CEP128: variants seen among roughly 807,000 people sequenced by gnomAD.
CEP128 encodes the protein centrosomal protein 128kDa.
A neutral mutation model predicts 156.7 loss-of-function variants in CEP128; 132 were observed. The ratio of observed to expected loss-of-function variants is 0.84; its 90% CI spans 0.73 to 0.97. CEP128 has a LOEUF of 0.97. CEP128 is among the 50% of genes least tolerant of loss of function. The probability of loss-of-function intolerance (pLI) is 0.00; values close to 1 mark genes in which losing one functional copy is unlikely to be tolerated. For missense variants in CEP128, 1,252 were observed against 1,281.9 expected, an observed-to-expected ratio of 0.98 and a Z score of 0.36; for synonymous variants, 469 against 448.9, an observed-to-expected ratio of 1.04 and a Z score of -0.57.
chr14:80,554,606 G>A (rs1415686421), intron 21 of CEP128, among the ~76,000 whole-genome samples: 2 of 151,530 alleles, frequency 1.3e-5, no homozygotes, highest in Middle Eastern at 3.4e-3. Flanking sequence ...TATTTTTCTA[G>A]GAATTTGTTT....
At chr14:80,638,172 A>C (rs964676345) in intron 19 of CEP128, among the ~76,000 whole-genome samples, 1 of 152,124 alleles carries the variant, frequency 6.6e-6, no homozygotes, top group African/African-American at 2.4e-5. Context: ...CCTTCTCTTC[A>C]TATTTCAATA....
At position 80,744,626 on chromosome 14, in the gene CEP128, T is replaced by G. The variant is rs147854599; in HGVS notation, c.2614-1359A>C. Among the ~76,000 whole-genome samples the G allele has an allele frequency of 8.5e-5, 13 of 152,310 alleles. 1 individual carries two copies. In the East Asian group the frequency reaches 2.1e-3, roughly 25 times the overall value. ...ACTGACTCCCTCCTTCTACCCTCAGTGTGATAAAAGCTCCACTCCTCATTT... is the reference window on the plus strand; with the variant it reads ...ACTGACTCCCTCCTTCTACCCTCAGGGTGATAAAAGCTCCACTCCTCATTT... On this transcript the variant is annotated intron_variant, in intron 18 of 24. Transcript: ENST00000555265.
At chr14:80,764,539 A>T (rs898099704) in intron 16 of CEP128, among the ~76,000 whole-genome samples, 19 of 152,128 alleles carry the variant, frequency 1.2e-4, no homozygotes, top group South Asian at 8.3e-4. Context: ...AGAAAATTTC[A>T]TTATCCACTT....
chr14:80,773,980 T>G (rs1171891611), intron 16 of CEP128, among the ~76,000 whole-genome samples: 1 of 152,184 alleles, frequency 6.6e-6, no homozygotes, highest in Non-Finnish European at 1.5e-5. Context: ...AATCTGTGGG[T>G]TGCATAACAC....
chr14:80,911,396 C>T (rs1884205881), intron 4 of CEP128, among the ~76,000 whole-genome samples: 1 of 152,092 alleles, frequency 6.6e-6, no homozygotes, highest in Non-Finnish European at 1.5e-5. Flanking sequence ...GTCTCAGCTA[C>T]TCAGGAGGCT....
chr14:80,669,236 A>C (rs1011493780), intron 19 of CEP128, among the ~76,000 whole-genome samples: 1 of 152,180 alleles, frequency 6.6e-6, no homozygotes, highest in Non-Finnish European at 1.5e-5. Flanking sequence ...TCTAGGGAAA[A>C]CTCTTCTGGA....
chr14:80,617,312 G>A (rs1263609047), intron 19 of CEP128, among the ~76,000 whole-genome samples: 3 of 127,164 alleles, frequency 2.4e-5, no homozygotes, highest in African/African-American at 9.0e-5. Flanking sequence ...CTCACTGCAA[G>A]CTCCACCTCC....
intron 13 of CEP128, among the ~76,000 whole-genome samples, chr14:80,811,321 G>T (rs1884519363): frequency 6.6e-6 from 1 of 152,114 alleles, no homozygotes; most frequent in Admixed American, 6.5e-5. Flanking sequence ...GGGTCAAATG[G>T]TATTTCTGGT....
At chr14:80,536,605 G>A (rs1338664062) in intron 21 of CEP128, among the ~76,000 whole-genome samples, 2 of 152,332 alleles carry the variant, frequency 1.3e-5, no homozygotes, top group East Asian at 1.9e-4. Context: ...GAGGAAGGGT[G>A]AGATCATGAA....
intron 8 of CEP128, among the ~76,000 whole-genome samples, chr14:80,868,676 T>C (rs987103512): frequency 6.6e-6 from 1 of 152,022 alleles, no homozygotes; most frequent in African/African-American, 2.4e-5. Context: ...GTAAACAAAT[T>C]AAATTCTCCA....
rs1338234765 is a variant in CEP128 at position 80,904,791 on chromosome 14, A to G, written c.480+22T>C. On this transcript the variant is annotated intron_variant, in intron 6 of 24. Coordinates refer to ENST00000555265, the MANE Select transcript of CEP128 (RefSeq NM_152446.5). The stretch of plus-strand genomic sequence containing the variant: ...AAGCATAAGGAAATACTGCACACAA[A>G]TTACAGAATGGTACAAAGTACCTGA... The G allele has an allele frequency of 4.8e-6, 6 of 1,261,268 alleles. No individual in the cohort carries two copies. In the African/African-American group the frequency reaches 5.9e-5, roughly 12 times the overall value. 78.1% of individuals were successfully genotyped at this position (1,261,268 alleles called of 1,614,324 possible).
At chr14:80,488,411 T>A (rs569164835), downstream of CEP128, among the ~76,000 whole-genome samples, 18 of 150,802 alleles carry the variant, frequency 1.2e-4, no homozygotes, top group Admixed American at 4.6e-4. Context: ...CATCAGAGAA[T>A]TGCAAATCAA....
At chr14:80,517,641 T>TG (rs1184472427) in intron 23 of CEP128, among the ~76,000 whole-genome samples, 1 of 152,186 alleles carries the variant, frequency 6.6e-6, no homozygotes, top group Non-Finnish European at 1.5e-5. Context: ...TTATTGTTAC[T>TG]GGGGGTCCTT....
chr14:80,874,468 T>C (rs1422345605), intron 8 of CEP128, among the ~76,000 whole-genome samples: 7 of 143,368 alleles, frequency 4.9e-5, no homozygotes, highest in Non-Finnish European at 1.0e-4. Context: ...TGTCTCTGTC[T>C]CCAAAAAAAA....
At chr14:80,556,145 C>T (rs1479326912) in intron 21 of CEP128, among the ~76,000 whole-genome samples, 3 of 152,104 alleles carry the variant, frequency 2.0e-5, no homozygotes, top group African/African-American at 7.2e-5. Flanking sequence ...TTTAGGGAAT[C>T]AACCCATTCT....
intron 16 of CEP128, 75 bp downstream of exon 16, chr14:80,777,807 G>T (rs1219213028): frequency 2.6e-6 from 3 of 1,144,992 alleles, no homozygotes; most frequent in African/African-American, 1.6e-5. Flanking sequence ...ATCATTTGTT[G>T]ATATATAAAA....
chr14:80,625,257 G>A (rs1248824790), intron 19 of CEP128, among the ~76,000 whole-genome samples: 1 of 152,078 alleles, frequency 6.6e-6, no homozygotes, highest in Non-Finnish European at 1.5e-5. Context: ...TCAGTTAGTT[G>A]TAAATGTGTG....
intron 19 of CEP128, among the ~76,000 whole-genome samples, chr14:80,739,741 T>G (rs1898711639): frequency 6.6e-6 from 1 of 152,184 alleles, no homozygotes; most frequent in African/African-American, 2.4e-5. Flanking sequence ...AATGTTATTG[T>G]GTCCCTAAAT....
chr14:80,548,708 C>T (rs905440246), intron 21 of CEP128, among the ~76,000 whole-genome samples: 5 of 152,130 alleles, frequency 3.3e-5, no homozygotes, highest in Admixed American at 6.5e-5. Flanking sequence ...ACATTATCAA[C>T]CAAGGAAGTT....
Sources: gnomAD v4.1 joint callset for allele counts (sites outside exome capture counted in the v4.1 genomes callset) on GRCh38, gnomAD v4.1.1 for gene constraint, MANE v1.5 for transcripts, NCBI Gene and HGNC (gene_info 2026-07-23, HGNC 2026-07-21) for gene names.